The following CCDC66 variants were observed in gnomAD, a reference collection of about 807,000 sequenced individuals.
CCDC66 encodes coiled-coil domain-containing protein 66.
A neutral mutation model predicts 128.3 loss-of-function variants in CCDC66; 133 were observed. The ratio of observed to expected loss-of-function variants is 1.04; its 90% CI spans 0.90 to 1.20. The LOEUF is 1.20. CCDC66 is among the 50% of genes most tolerant of loss of function. CCDC66 has a pLI of 0.00. For missense variants in CCDC66, 1,126 were observed against 1,075.5 expected (o/e 1.05, Z -0.66); for synonymous variants, 387 against 357.0 (o/e 1.08, Z -0.95).
At chr3:56,563,433 A>T in intron 3 of CCDC66, 1 of 385,220 alleles carries the variant, frequency 2.6e-6, no homozygotes, top group Non-Finnish European at 4.6e-6. Context: ...GTATAATCTA[A>T]TGACATAAGA....
rs777631720 is a variant in CCDC66 at position 56,619,506 on chromosome 3, C to G, written c.2614C>G (p.Pro872Ala). Residue 872 changes from proline (P) to alanine (A), a missense_variant, in exon 16 of 18, where the codon CCT becomes GCT. Coordinates refer to ENST00000394672, the MANE Select transcript of CCDC66 (RefSeq NM_001141947.3). Reference protein sequence around the residue: ...APLSGPSTQDPQYQNSQDCGQ... With the variant: ...APLSGPSTQDAQYQNSQDCGQ... ...ATTGTCTGGGCCTTCAACCCAGGAC[C>G]CTCAGTACCAAAATTCACAAGGTAA... 6.2e-7 allele frequency: 1 copy of G among 1,609,410 alleles called. No individual in the cohort carries two copies. Among genetic ancestry groups the G allele is most frequent in the South Asian group, 1.1e-5 (1 of 89,850 alleles).
chr3:56,558,715 T>G, intron 1 of CCDC66, 131 bp from the exon 2 acceptor site: 1 of 733,260 alleles, frequency 1.4e-6, no homozygotes, highest in Non-Finnish European at 2.4e-6. Context: ...AAAACACTGG[T>G]TCGATGTGTA....
intron 7 of CCDC66, among the ~76,000 whole-genome samples, chr3:56,583,851 T>C (rs1388478402): frequency 1.3e-5 from 2 of 151,262 alleles, no homozygotes; most frequent in Non-Finnish European, 2.9e-5. Context: ...GAAGAGGGGC[T>C]CCTCACTTCC....
At position 56,566,957 on chromosome 3, in the gene CCDC66, G is replaced by A. The variant is rs770613986; in HGVS notation, c.718G>A (p.Glu240Lys). 2 of 1,613,108 alleles carry A rather than the reference G, an allele frequency of 1.2e-6. No homozygotes were observed. Among genetic ancestry groups the A allele is most frequent in the South Asian group, 1.1e-5 (1 of 90,954 alleles). ...QCEQKIAIEN[E>K]WKPADIFSTL... ...TTTTGTGTTTTACCTTAGAGAGAATGAATGGAAACCAGCTGATATATTCAG... is the reference window on the plus strand; with the variant it reads ...TTTTGTGTTTTACCTTAGAGAGAATAAATGGAAACCAGCTGATATATTCAG... Residue 240 changes from glutamate (E) to lysine (K), a missense_variant, in exon 6 of 18, where the codon GAA becomes AAA. Coordinates refer to ENST00000394672, the MANE Select transcript of CCDC66 (RefSeq NM_001141947.3).
intron 11 of CCDC66, among the ~76,000 whole-genome samples, 181 bp downstream of exon 11, chr3:56,613,931 C>G (rs1207535997): frequency 1.3e-5 from 2 of 152,072 alleles, no homozygotes; most frequent in Non-Finnish European, 2.9e-5. Flanking sequence ...AGGCACGTAC[C>G]AACACATCTG....
intron 7 of CCDC66, among the ~76,000 whole-genome samples, chr3:56,579,918 G>A (rs1302721074): frequency 1.3e-5 from 2 of 151,792 alleles, no homozygotes; most frequent in Non-Finnish European, 2.9e-5. Flanking sequence ...GTAGATGTCT[G>A]TTAGGTCTGC....
rs1559698098 is a variant in CCDC66 at position 56,593,080 on chromosome 3, G to A, written c.1047G>A (p.Glu349=). Residue 349 remains glutamate (E), a synonymous_variant, in exon 8 of 18, where the codon GAG becomes GAA. Transcript: ENST00000394672. ...QIEDDRQRKI[E]EKIIYSKGEE... is the part of the protein sequence containing the mutation. ...AAGATGACCGTCAAAGAAAAATAGA[G>A]GAAAAAATTATATATTCAAAGGTAA... is the stretch of plus-strand genomic sequence containing the variant. The A allele has an allele frequency of 2.5e-6, 4 of 1,597,078 alleles. No homozygotes were observed. In the East Asian group the frequency reaches 9.0e-5, roughly 36 times the overall value.
chr3:56,597,547 A>G (rs991206815), intron 10 of CCDC66, among the ~76,000 whole-genome samples: 2 of 151,706 alleles, frequency 1.3e-5, no homozygotes, highest in African/African-American at 4.9e-5. Flanking sequence ...TCTTTCGTTT[A>G]TTTCATCTGT....
intron 11 of CCDC66, among the ~76,000 whole-genome samples, chr3:56,614,072 G>A (rs578167548): frequency 6.6e-6 from 1 of 152,206 alleles, no homozygotes; most frequent in East Asian, 1.9e-4. Flanking sequence ...TAACATTTTA[G>A]AATAAAAATG....
chr3:56,590,282 T>C (rs2070640088), intron 7 of CCDC66, among the ~76,000 whole-genome samples: 2 of 152,224 alleles, frequency 1.3e-5, no homozygotes, highest in Admixed American at 1.3e-4. Context: ...GCATCTGTAG[T>C]GGACCATTTG....
In CCDC66 at chr3:56,619,349, CAG is replaced by C; in HGVS notation, c.2458_2459del (p.Ser820Ter). 6.2e-7 allele frequency: 1 copy of C among 1,613,446 alleles called. No homozygotes were observed. ...QNTLHLPLKN[S>X]SYERENLISG... ...ATACATTACATTTACCACTAAAAAA[CAG>C]TAGCTATGAGAGAGAGAATTTGATC... On this transcript the variant is annotated frameshift_variant, in exon 16 of 18. Coordinates refer to ENST00000394672, the MANE Select transcript of CCDC66 (RefSeq NM_001141947.3). LOFTEE classifies it high-confidence loss of function.
At chr3:56,557,425 C>T (rs1224695967) in intron 1 of CCDC66, among the ~76,000 whole-genome samples, 172 bp downstream of exon 1, 1 of 151,998 alleles carries the variant, frequency 6.6e-6, no homozygotes, top group Non-Finnish European at 1.5e-5. Flanking sequence ...GCAGATGGGT[C>T]GGCCCTTAGC....
At chr3:56,563,001 T>A (rs913759252) in intron 3 of CCDC66, among the ~76,000 whole-genome samples, 1 of 152,098 alleles carries the variant, frequency 6.6e-6, no homozygotes, top group African/African-American at 2.4e-5. Context: ...GGCCTTGGGA[T>A]CCTGGCCCCA....
At chr3:56,610,513 T>C (rs2074645043) in intron 10 of CCDC66, among the ~76,000 whole-genome samples, 1 of 152,238 alleles carries the variant, frequency 6.6e-6, no homozygotes, top group Admixed American at 6.5e-5. Context: ...GGCTTCGCCT[T>C]TCTCTGGTCC....
In CCDC66 at chr3:56,619,820, G is replaced by C; in HGVS notation, c.2679G>C (p.Arg893Ser). Residue 893 changes from arginine (R) to serine (S), a missense_variant, in exon 17 of 18, where the codon AGG becomes AGC. Transcript: ENST00000394672. ...KRQLFDSDCV[R>S]DPLLNPNMVK... ...AGCTATTTGATTCTGACTGTGTCAG[G>C]GATCCACTTCTTAATCCTAACATGG... 6.2e-7 allele frequency: 1 copy of C among 1,614,014 alleles called. No homozygotes were observed. Among genetic ancestry groups the C allele is most frequent in the Non-Finnish European group, 8.5e-7 (1 of 1,179,982 alleles).
chr3:56,569,868 CT>C (rs1283939093), intron 6 of CCDC66: 2 of 152,174 alleles, frequency 1.3e-5, no homozygotes, highest in African/African-American at 2.4e-5. Flanking sequence ...GAGTTTCATT[CT>C]TGTTGCCCAA....
intron 7 of CCDC66, among the ~76,000 whole-genome samples, chr3:56,590,348 A>C (rs1229683996): frequency 2.0e-5 from 3 of 152,230 alleles, no homozygotes; most frequent in African/African-American, 7.2e-5. Flanking sequence ...ACAGCATTTG[A>C]ATCAGGAGTG....
chr3:56,584,919 G>A (rs1466280201), intron 7 of CCDC66, among the ~76,000 whole-genome samples: 2 of 151,880 alleles, frequency 1.3e-5, no homozygotes, highest in African/African-American at 2.4e-5. Context: ...GCGAAACCCC[G>A]TCTCCACCAA....
rs74505834 is a variant in CCDC66, at chr3:56,619,254, ATT to A, written c.2379-8_2379-7del. 1.4e-6 allele frequency: 2 copies of A among 1,435,192 alleles called. No homozygotes were observed. Among genetic ancestry groups the A allele is most frequent in the Non-Finnish European group, 1.9e-6 (2 of 1,063,032 alleles). 88.9% of individuals were successfully genotyped at this position (1,435,192 alleles called of 1,614,324 possible). A position where few individuals can be genotyped will look rare whatever the true frequency, so the allele number is the denominator to read the frequency against. On this transcript the variant is annotated splice_polypyrimidine_tract_variant and intron_variant, in intron 15 of 17. Coordinates refer to ENST00000394672, the MANE Select transcript of CCDC66 (RefSeq NM_001141947.3). Reference sequence around the variant, plus strand: ...TAATCTAAATACACAATTTTTTACTATTTTTTTTTTAAATAGGTCTCCATCAT... The same window carrying A: ...TAATCTAAATACACAATTTTTTACTATTTTTTTTAAATAGGTCTCCATCAT...
Sources: gnomAD v4.1 joint callset for allele counts (sites outside exome capture counted in the v4.1 genomes callset) on GRCh38, gnomAD v4.1.1 for gene constraint, MANE v1.5 for transcripts, NCBI Gene and HGNC (gene_info 2026-07-23, HGNC 2026-07-21) for gene names.